ANKRD30B: variants seen among roughly 807,000 people sequenced by gnomAD.
ANKRD30B encodes the protein ankyrin repeat domain 30B.
A neutral mutation model predicts 202.2 loss-of-function variants in ANKRD30B; 144 were observed. The observed-to-expected ratio is 0.71, with a 90% CI of 0.62 to 0.82. The LOEUF (loss-of-function observed/expected upper bound fraction) is 0.82. ANKRD30B is among the 40% of genes least tolerant of loss of function. ANKRD30B has a pLI of 0.00. For missense variants in ANKRD30B, 1,487 were observed against 1,669.1 expected (o/e 0.89, Z 1.90); for synonymous variants, 508 against 561.3 (o/e 0.91, Z 1.34).
the ANKRD30B span, among the ~76,000 whole-genome samples, chr18:14,906,226 C>T: frequency 6.6e-6 from 1 of 152,128 alleles, no homozygotes; most frequent in Non-Finnish European, 1.5e-5. Context: ...TTTCAAATGC[C>T]TGCCAGTCTC....
intron 16 of ANKRD30B, among the ~76,000 whole-genome samples, chr18:14,793,211 A>G (rs1267273353): frequency 6.6e-6 from 1 of 152,016 alleles, no homozygotes; most frequent in African/African-American, 2.4e-5. Flanking sequence ...TGCTCCAAGT[A>G]TATATCCAAG....
chr18:14,752,542 C>G (rs765135250), intron 1 of ANKRD30B, 24 bp from the exon 2 acceptor site: 2 of 1,592,112 alleles, frequency 1.3e-6, no homozygotes, highest in African/African-American at 1.3e-5. Flanking sequence ...TATACTTTGC[C>G]TAAAAGTCCT....
intron 16 of ANKRD30B, among the ~76,000 whole-genome samples, chr18:14,794,840 T>C (rs541462862): frequency 6.6e-5 from 10 of 152,148 alleles, no homozygotes; most frequent in Non-Finnish European, 1.5e-4. Flanking sequence ...ATACTTGATA[T>C]GTCTAAATAT....
chr18:14,807,888 T>C (rs970545143), intron 24 of ANKRD30B, among the ~76,000 whole-genome samples: 7 of 150,882 alleles, frequency 4.6e-5, no homozygotes, highest in Admixed American at 3.9e-4. Flanking sequence ...GATCAGGAAA[T>C]TTTGAGAGGA....
intron 9 of ANKRD30B, among the ~76,000 whole-genome samples, chr18:14,774,222 AG>A (rs1967209252): frequency 6.6e-6 from 1 of 152,176 alleles, no homozygotes; most frequent in African/African-American, 2.4e-5. Context: ...TCAGCATTAT[AG>A]GAATATATTA....
chr18:14,895,368 A>G, the ANKRD30B span, among the ~76,000 whole-genome samples: 12 of 152,376 alleles, frequency 7.9e-5, no homozygotes, highest in African/African-American at 2.6e-4. Flanking sequence ...TAAACTCCAG[A>G]AAACTGACAG....
the ANKRD30B span, among the ~76,000 whole-genome samples, chr18:14,876,458 A>T: frequency 6.6e-6 from 1 of 152,296 alleles, no homozygotes; most frequent in Non-Finnish European, 1.5e-5. Flanking sequence ...TGATGCCAAC[A>T]TTTAGCCACA....
At chr18:14,792,545 G>A (rs1968594017) in intron 16 of ANKRD30B, among the ~76,000 whole-genome samples, 1 of 152,026 alleles carries the variant, frequency 6.6e-6, no homozygotes, top group African/African-American at 2.4e-5. Context: ...AGAGAAGCCA[G>A]CTAGATTATT....
At chr18:14,764,553 C>T (rs551322315) in intron 7 of ANKRD30B, among the ~76,000 whole-genome samples, 19 of 140,072 alleles carry the variant, frequency 1.4e-4, no homozygotes, top group African/African-American at 4.3e-4. Flanking sequence ...ACCACCACAC[C>T]TGGCTGATTT....
At chr18:14,838,969 G>T (rs1313456376) in intron 36 of ANKRD30B, among the ~76,000 whole-genome samples, 1 of 152,228 alleles carries the variant, frequency 6.6e-6, no homozygotes, top group Non-Finnish European at 1.5e-5. Context: ...GAACAGGCAT[G>T]TGGATTTCTA....
chr18:14,875,897 T>C, the ANKRD30B span, among the ~76,000 whole-genome samples: 1 of 152,162 alleles, frequency 6.6e-6, no homozygotes, highest in African/African-American at 2.4e-5. Flanking sequence ...TAAGAATTCT[T>C]GCTTCCCAGG....
the ANKRD30B span, among the ~76,000 whole-genome samples, chr18:14,860,362 A>T: frequency 8.7e-6 from 1 of 114,760 alleles, no homozygotes; most frequent in Non-Finnish European, 1.8e-5. Flanking sequence ...TGCCGGGCAG[A>T]GGCGCTCCTC....
intron 16 of ANKRD30B, 72 bp downstream of exon 16, chr18:14,791,563 C>A: frequency 8.2e-7 from 1 of 1,216,388 alleles, no homozygotes; most frequent in Non-Finnish European, 1.2e-6. Flanking sequence ...AGGATATCCT[C>A]TAATAGATGA....
chr18:14,889,972 G>C, the ANKRD30B span: 1 of 840,378 alleles, frequency 1.2e-6, no homozygotes, highest in Non-Finnish European at 1.9e-6. Flanking sequence ...AAGCCTAAGC[G>C]ATCAATTATC....
the ANKRD30B span, among the ~76,000 whole-genome samples, chr18:14,934,297 G>T: frequency 6.6e-6 from 1 of 152,336 alleles, no homozygotes; most frequent in Non-Finnish European, 1.5e-5. Context: ...GGCAGGTGCT[G>T]GCCAGCGAGA....
the ANKRD30B span, among the ~76,000 whole-genome samples, chr18:14,921,949 A>T: frequency 6.6e-6 from 1 of 152,214 alleles, no homozygotes; most frequent in Non-Finnish European, 1.5e-5. Flanking sequence ...CAAATTTAAC[A>T]ACTATCTATA....
the ANKRD30B span, among the ~76,000 whole-genome samples, chr18:14,935,344 CAG>C: frequency 1.3e-5 from 2 of 152,200 alleles, no homozygotes; most frequent in Admixed American, 6.5e-5. Flanking sequence ...TAACCTGGAG[CAG>C]AGACAGCCCT....
intron 30 of ANKRD30B, chr18:14,816,304 A>G (rs1224658124): frequency 2.0e-5 from 3 of 152,136 alleles, no homozygotes; most frequent in African/African-American, 7.2e-5. Context: ...GTCATTCCAC[A>G]GTGATTTTTT....
At chr18:14,893,027 A>C in the ANKRD30B span, among the ~76,000 whole-genome samples, 1 of 152,082 alleles carries the variant, frequency 6.6e-6, no homozygotes, top group Non-Finnish European at 1.5e-5. Context: ...TTCTACGTTT[A>C]GCTGAGATGA....
Sources: gnomAD v4.1 joint callset for allele counts (sites outside exome capture counted in the v4.1 genomes callset) on GRCh38, gnomAD v4.1.1 for gene constraint, MANE v1.5 for transcripts, NCBI Gene and HGNC (gene_info 2026-07-23, HGNC 2026-07-21) for gene names.